Variants in PRKCH observed in about 807,000 individuals in gnomAD.
PRKCH encodes protein kinase C eta type.
A neutral mutation model predicts 82.5 loss-of-function variants in PRKCH; 28 were observed. The observed-to-expected ratio is 0.34, with a 90% CI of 0.25 to 0.47. The LOEUF (loss-of-function observed/expected upper bound fraction) is 0.47, where lower values mean the gene tolerates loss of function less well. PRKCH is among the 20% of genes least tolerant of loss of function. The probability of loss-of-function intolerance (pLI) is 1.00; values close to 1 mark genes in which losing one functional copy is unlikely to be tolerated. For missense variants in PRKCH, 705 were observed against 881.8 expected, an observed-to-expected ratio of 0.80 and a Z score of 2.54; for synonymous variants, 322 against 327.4, an observed-to-expected ratio of 0.98 and a Z score of 0.18.
intron 10 of PRKCH, 47 bp downstream of exon 10, chr14:61,485,703 T>A: frequency 6.4e-7 from 1 of 1,573,246 alleles, no homozygotes; most frequent in Non-Finnish European, 8.7e-7. Flanking sequence ...GCCTCTTCCC[T>A]CTCCTGGTAT....
chr14:61,359,209 T>C (rs530711610), intron 1 of PRKCH, among the ~76,000 whole-genome samples: 4 of 152,250 alleles, frequency 2.6e-5, no homozygotes, highest in African/African-American at 9.6e-5. Flanking sequence ...TGGTTTCCTG[T>C]TTCTGTGGAC....
chr14:61,459,470 C>G (rs937084233), intron 9 of PRKCH, among the ~76,000 whole-genome samples: 1 of 152,182 alleles, frequency 6.6e-6, no homozygotes, highest in African/African-American at 2.4e-5. Context: ...CGAGGTTGAA[C>G]AGGGGCCTTG....
intron 2 of PRKCH, among the ~76,000 whole-genome samples, chr14:61,441,524 G>A (rs139175645): frequency 2.0e-5 from 3 of 152,242 alleles, no homozygotes; most frequent in African/African-American, 7.2e-5. Context: ...GTCCGTCTTG[G>A]GTAGCATTGG....
chr14:61,342,053 C>G (rs556803397), intron 1 of PRKCH, among the ~76,000 whole-genome samples: 1 of 152,132 alleles, frequency 6.6e-6, no homozygotes, highest in East Asian at 1.9e-4. Flanking sequence ...TTGAGACTTG[C>G]ATGGGGCTGA....
At chr14:61,328,829 A>C (rs1031114490) in intron 1 of PRKCH, among the ~76,000 whole-genome samples, 1 of 151,960 alleles carries the variant, frequency 6.6e-6, no homozygotes, top group Admixed American at 6.6e-5. Flanking sequence ...CTCCACAAAA[A>C]AATAAAATTA....
intron 2 of PRKCH, among the ~76,000 whole-genome samples, chr14:61,398,855 C>T (rs1239668076): frequency 6.6e-6 from 1 of 152,146 alleles, no homozygotes; most frequent in Non-Finnish European, 1.5e-5. Context: ...AAGAGAGAGG[C>T]ATATTAATCA....
intron 2 of PRKCH, among the ~76,000 whole-genome samples, chr14:61,419,779 A>C (rs892789993): frequency 6.6e-6 from 1 of 152,180 alleles, no homozygotes; most frequent in African/African-American, 2.4e-5. Context: ...ACAAATCCAC[A>C]AGTACTTTGA....
intron 1 of PRKCH, among the ~76,000 whole-genome samples, chr14:61,272,228 CAAA>C (rs948687379): frequency 2.2e-5 from 2 of 91,186 alleles, no homozygotes; most frequent in Admixed American, 1.2e-4. Flanking sequence ...ACTCGGTCTC[CAAA>C]AAAAAAAGAT....
chr14:61,490,935 C>G (rs535058857), intron 10 of PRKCH, among the ~76,000 whole-genome samples: 7 of 150,588 alleles, frequency 4.6e-5, no homozygotes, highest in African/African-American at 1.7e-4. Flanking sequence ...CAAAAACAAA[C>G]AAAAAAAAAT....
chr14:61,507,286 A>AGTGTGTGTGT (rs1476608930), intron 10 of PRKCH, among the ~76,000 whole-genome samples: 1 of 152,146 alleles, frequency 6.6e-6, no homozygotes, highest in Non-Finnish European at 1.5e-5. Flanking sequence ...CCTGAGGACA[A>AGTGTGTGTGT]GTGTTGGCAA....
chr14:61,448,818 G>A (rs1884350369), intron 4 of PRKCH, among the ~76,000 whole-genome samples: 1 of 152,166 alleles, frequency 6.6e-6, no homozygotes, highest in African/African-American at 2.4e-5. Flanking sequence ...GAACCTGGGT[G>A]GGAAATTTGA....
At chr14:61,247,279 T>TA (rs1267642887) in intron 1 of PRKCH, among the ~76,000 whole-genome samples, 80 of 152,120 alleles carry the variant, frequency 5.3e-4, no homozygotes, top group African/African-American at 1.9e-3. Flanking sequence ...TTTTTTTTTT[T>TA]AAACTCTGTA....
rs376468956 is a variant in PRKCH at position 61,461,271 on chromosome 14, C to T, written c.1278+3592C>T. Among the ~76,000 whole-genome samples, 6 of 152,318 alleles carry T rather than the reference C, an allele frequency of 3.9e-5. No individual in the cohort carries two copies. The East Asian group carries it at 7.7e-4, about 20-fold the overall frequency. The stretch of plus-strand genomic sequence containing the variant: ...TTGAAACGACTTCCTTGGCTGGGCA[C>T]TTTGCCAACGTAAAGCCCCTCCCCT... On this transcript the variant is annotated intron_variant, in intron 9 of 13. Transcript: ENST00000332981.
intron 2 of PRKCH, among the ~76,000 whole-genome samples, chr14:61,419,547 G>T (rs1177564523): frequency 1.3e-5 from 2 of 152,192 alleles, no homozygotes; most frequent in Non-Finnish European, 2.9e-5. Context: ...TGGGGAGCAA[G>T]ATCACCTCCA....
intron 9 of PRKCH, among the ~76,000 whole-genome samples, chr14:61,469,695 G>C (rs1218590450): frequency 6.6e-6 from 1 of 152,178 alleles, no homozygotes; most frequent in East Asian, 1.9e-4. Context: ...CTTAATCTCT[G>C]CTGAGAACCC....
At chr14:61,483,235 C>T (rs554228714) in intron 9 of PRKCH, among the ~76,000 whole-genome samples, 4 of 152,206 alleles carry the variant, frequency 2.6e-5, no homozygotes, top group Non-Finnish European at 4.4e-5. Context: ...GTATATCCTC[C>T]GCCCAACCTG....
At chr14:61,244,053 G>T (rs55991449) in intron 1 of PRKCH, among the ~76,000 whole-genome samples, 2 of 152,246 alleles carry the variant, frequency 1.3e-5, no homozygotes, top group African/African-American at 4.8e-5. Context: ...TCATCAGTTT[G>T]GGGCAACGGA....
Position 61,511,626 on chromosome 14 carries a change from G to A in PRKCH, c.1434-17449G>A, listed in dbSNP as rs544896357. The stretch of plus-strand genomic sequence containing the variant: ...AACTACAAAGGCGCACAGCCTCCCC[G>A]ATGTGTGCCAATAAGATGGCATAAA... On this transcript the variant is annotated intron_variant, in intron 10 of 13. Transcript: ENST00000332981. 1.0e-3 allele frequency among the ~76,000 whole-genome samples: 152 copies of A among 152,352 alleles called. 1 individual carries two copies. The highest frequency in any genetic ancestry group is 3.5e-3 in the African/African-American group (145 of 41,566).
At chr14:61,405,435 TG>T (rs1225575234) in intron 2 of PRKCH, among the ~76,000 whole-genome samples, 1 of 151,646 alleles carries the variant, frequency 6.6e-6, no homozygotes, top group Non-Finnish European at 1.5e-5. Flanking sequence ...TGGAGTGCAG[TG>T]GCGCAATCTC....
Sources: allele counts gnomAD v4.1 joint callset (sites outside exome capture counted in the v4.1 genomes callset), GRCh38; gene constraint gnomAD v4.1.1; transcripts MANE v1.5; gene names NCBI Gene and HGNC (gene_info 2026-07-23, HGNC 2026-07-21).